The following FAM186A variants were observed in gnomAD, a reference collection of about 807,000 sequenced individuals.
FAM186A encodes family with sequence similarity 186 member A, also known as protein FAM186A.
In FAM186A, 163 loss-of-function variants were observed where a neutral mutation model predicts 216.8. The ratio of observed to expected loss-of-function variants is 0.75; its 90% CI spans 0.66 to 0.86. The LOEUF is 0.86. Among genes scored for constraint, FAM186A ranks in the 40% least tolerant of loss-of-function variants. FAM186A has a pLI of 0.00. For missense variants in FAM186A, 2,184 were observed against 2,746.2 expected, an observed-to-expected ratio of 0.80 and a Z score of 4.58; for synonymous variants, 805 against 1,025.3, an observed-to-expected ratio of 0.79 and a Z score of 4.10.
chr12:50,346,203 G>GAA lies in FAM186A; in HGVS notation c.6503+4125_6503+4126insTT, dbSNP rs1175221084. ...AGAAGAAAGGAAAGAAAGAAAGAAA[G>GAA]AGAGAGAGAGAGAGAAGGAAAGAAA... is the stretch of plus-strand genomic sequence containing the variant. On this transcript the variant is annotated intron_variant, in intron 4 of 7. Transcript: ENST00000327337. Among the ~76,000 whole-genome samples the GAA allele has an allele frequency of 7.8e-4, 19 of 24,246 alleles. No individual in the cohort carries two copies. In the South Asian group the frequency reaches 9.8e-3, roughly 13 times the overall value. 15.9% of individuals were successfully genotyped at this position (24,246 alleles called of 152,430 possible).
intron 1 of FAM186A, among the ~76,000 whole-genome samples, chr12:50,367,516 C>A (rs1377512195): frequency 4.8e-4 from 43 of 89,694 alleles, no homozygotes; most frequent in African/African-American, 1.4e-3. Flanking sequence ...GACTCTGTCT[C>A]AAAAAAAAAA....
At chr12:50,378,615 AT>A (rs1413752739) in intron 1 of FAM186A, among the ~76,000 whole-genome samples, 33 of 6,286 alleles carry the variant, frequency 5.2e-3, no homozygotes, top group Admixed American at 0.02. Flanking sequence ...ACATATGTAA[AT>A]TGTATATATA....
chr12:50,364,737 A>G (rs918213270), intron 1 of FAM186A, among the ~76,000 whole-genome samples: 7 of 151,754 alleles, frequency 4.6e-5, no homozygotes, highest in Non-Finnish European at 7.4e-5. Flanking sequence ...TCCTGCCTCT[A>G]AAAAATAAAA....
chr12:50,393,343 G>A (rs1335055123), intron 1 of FAM186A, among the ~76,000 whole-genome samples: 2 of 151,408 alleles, frequency 1.3e-5, no homozygotes. Flanking sequence ...TTCAAGACCA[G>A]CCTGGCCAAC....
chr12:50,337,289 CTTTTTTTTTTTTT>C (rs71441358), intron 4 of FAM186A, among the ~76,000 whole-genome samples: 3 of 69,668 alleles, frequency 4.3e-5, no homozygotes, highest in African/African-American at 1.8e-4. Context: ...AGAGATAATT[CTTTTTTTTTTTTT>C]TTTTTTTTTT....
At chr12:50,371,957 C>T (rs1179021891) in intron 1 of FAM186A, among the ~76,000 whole-genome samples, 2 of 151,994 alleles carry the variant, frequency 1.3e-5, no homozygotes, top group Admixed American at 1.3e-4. Context: ...GGATTACAGG[C>T]ATGCGCCACA....
rs1020037698 is a variant in FAM186A at position 50,351,600 on chromosome 12, A to T, written c.5232T>A (p.Ala1744=). ...PSLRLSLASS[A]PTAEKSSIFG... ...ATATAGAGGACTTCTCAGCAGTAGG[A>T]GCTGATGATGCCAGGGACAGCCTAA... Residue 1744 remains alanine (A), a synonymous_variant, in exon 4 of 8, where the codon GCT becomes GCA. Transcript: ENST00000327337. 5.8e-6 allele frequency: 9 copies of T among 1,551,302 alleles called. No individual in the cohort carries two copies. The highest frequency in any genetic ancestry group is 5.5e-5 in the African/African-American group (4 of 73,024).
chr12:50,361,867 G>A lies in FAM186A; in HGVS notation c.413-941C>T, dbSNP rs375237641. ...ATTACCAGCATGAGCCACCGCGCCC[G>A]GCCATTATCCAGTATTTCTAACCCT... On this transcript the variant is annotated intron_variant, in intron 2 of 7. Coordinates refer to ENST00000327337, the MANE Select transcript of FAM186A (RefSeq NM_001145475.3). 3.3e-5 allele frequency among the ~76,000 whole-genome samples: 5 copies of A among 151,980 alleles called. No individual in the cohort carries two copies. In the East Asian group the frequency reaches 7.7e-4, roughly 23 times the overall value.
At chr12:50,363,418 G>T (rs549274848) in intron 1 of FAM186A, 54 bp from the exon 2 acceptor site, 3 of 1,417,912 alleles carry the variant, frequency 2.1e-6, no homozygotes, top group South Asian at 1.3e-5. Context: ...AAGAAGCTTT[G>T]GTCATCTTTC....
chr12:50,356,688 G>T (rs11169390), intron 3 of FAM186A, among the ~76,000 whole-genome samples: 48,827 of 152,006 alleles, frequency 0.32, 8,130 homozygotes, highest in South Asian at 0.48. Context: ...TTACAAGTTT[G>T]GGGTTAGATA....
chr12:50,334,119 A>G lies in FAM186A; in HGVS notation c.6504-16T>C, dbSNP rs1389257374. 5.3e-6 allele frequency: 8 copies of G among 1,520,204 alleles called. No individual in the cohort carries two copies. The highest frequency in any genetic ancestry group is 5.3e-6 in the Non-Finnish European group (6 of 1,134,758). 94.2% of individuals were successfully genotyped at this position (1,520,204 alleles called of 1,614,324 possible). On this transcript the variant is annotated splice_polypyrimidine_tract_variant and intron_variant, in intron 4 of 7. Coordinates refer to ENST00000327337, the MANE Select transcript of FAM186A (RefSeq NM_001145475.3). ...TATGTTGTTCCTTGAAAAGATTAAT[A>G]AAAATTAGAGCGATAATAGTTGCAG...
intron 3 of FAM186A, 138 bp downstream of exon 3, chr12:50,360,618 G>A: frequency 1.7e-6 from 1 of 589,220 alleles, no homozygotes; most frequent in African/African-American, 1.9e-5. Flanking sequence ...CCTGGAGGTG[G>A]AGGTTGCATT....
intron 1 of FAM186A, among the ~76,000 whole-genome samples, chr12:50,372,453 G>C (rs994050739): frequency 6.6e-6 from 1 of 151,760 alleles, no homozygotes; most frequent in African/African-American, 2.4e-5. Flanking sequence ...AATTAGCCGG[G>C]CATGGTGGTG....
In FAM186A at chr12:50,392,660, G is replaced by C. The variant is rs184473903; in HGVS notation, c.192+3633C>G. ...TATTCCCAGGCTGGAGTGCAATGGC[G>C]CTGTCTTGACTCACTGCAACCTCCG... is the stretch of plus-strand genomic sequence containing the variant. On this transcript the variant is annotated intron_variant, in intron 1 of 7. Coordinates refer to ENST00000327337, the MANE Select transcript of FAM186A (RefSeq NM_001145475.3). 8.3e-3 allele frequency: 1,242 copies of C among 149,298 alleles called. 7 individuals carry two copies. Among genetic ancestry groups the C allele is most frequent in the Non-Finnish European group, 0.012 (814 of 67,784 alleles). The allele number at this position is 149,298 out of a possible 1,614,324, so 9.2% of individuals were successfully genotyped here.
chr12:50,356,831 T>C (rs1942981885), intron 3 of FAM186A, among the ~76,000 whole-genome samples: 1 of 151,978 alleles, frequency 6.6e-6, no homozygotes, highest in Admixed American at 6.6e-5. Flanking sequence ...AAACCCTGTC[T>C]CTACTAAAAA....
chr12:50,364,458 T>C (rs1206622817), intron 1 of FAM186A, among the ~76,000 whole-genome samples: 1 of 151,544 alleles, frequency 6.6e-6, no homozygotes, highest in Non-Finnish European at 1.5e-5. Context: ...CTGGGGAGGC[T>C]GAGGCAGGAG....
Position 50,363,344 on chromosome 12 carries a change from A to G in FAM186A, c.213T>C (p.Ser71=), listed in dbSNP as rs1309335058. ...TCCGATGCACATTGTTCATTATTTC[A>G]CTCAGCTGCATATCAATGTCCTGTC... ...RAREDIDMQL[S]EIMNNVHRIM... The change falls in exon 2 of 8, where the codon AGT becomes AGC. Residue 71 remains serine, a synonymous_variant. Coordinates refer to ENST00000327337, the MANE Select transcript of FAM186A (RefSeq NM_001145475.3). 2.6e-6 allele frequency: 4 copies of G among 1,550,382 alleles called. No individual in the cohort carries two copies. In the South Asian group the frequency reaches 4.8e-5, roughly 18 times the overall value.
At chr12:50,366,157 C>A in intron 1 of FAM186A, 2 of 583,982 alleles carry the variant, frequency 3.4e-6, no homozygotes, top group South Asian at 2.2e-5. Context: ...TTGGATTTTG[C>A]CAAACAAATC....
Position 50,352,188 on chromosome 12 carries a change from G to T in FAM186A, c.4644C>A (p.Val1548=). Residue 1548 remains valine (V), a synonymous_variant, in exon 4 of 8, where the codon GTC becomes GTA. Coordinates refer to ENST00000327337, the MANE Select transcript of FAM186A (RefSeq NM_001145475.3). Reference sequence around the variant, plus strand: ...GGATGAGAGGGATCCCCAGGGCCTGGACCTGCTGAGGGGTGAGAGGGATCC... The same window carrying T: ...GGATGAGAGGGATCCCCAGGGCCTGTACCTGCTGAGGGGTGAGAGGGATCC... ...ELGIPLTPQQ[V]QALGIPLIPP... 1.3e-6 allele frequency: 2 copies of T among 1,514,452 alleles called. No homozygotes were observed. The highest frequency in any genetic ancestry group is 1.8e-6 in the Non-Finnish European group (2 of 1,132,152). 93.8% of individuals were successfully genotyped at this position (1,514,452 alleles called of 1,614,324 possible). A position where few individuals can be genotyped will look rare whatever the true frequency, so the allele number is the denominator to read the frequency against.
Sources: gnomAD v4.1 joint callset for allele counts (sites outside exome capture counted in the v4.1 genomes callset) on GRCh38, gnomAD v4.1.1 for gene constraint, MANE v1.5 for transcripts, NCBI Gene and HGNC (gene_info 2026-07-23, HGNC 2026-07-21) for gene names.